Variants in FOXK1 observed in about 807,000 individuals in gnomAD.
FOXK1 encodes the protein forkhead box protein K1.
A neutral mutation model predicts 51.9 loss-of-function variants in FOXK1; 19 were observed. The observed-to-expected ratio is 0.37, with a 90% CI of 0.26 to 0.54. The LOEUF (loss-of-function observed/expected upper bound fraction) is 0.54. Among genes scored for constraint, FOXK1 ranks in the 20% least tolerant of loss-of-function variants. The probability of loss-of-function intolerance (pLI) is 0.87; values close to 1 mark genes in which losing one functional copy is unlikely to be tolerated. For missense variants in FOXK1, 870 were observed against 1,032.7 expected, an observed-to-expected ratio of 0.84 and a Z score of 2.16; for synonymous variants, 537 against 482.6, an observed-to-expected ratio of 1.11 and a Z score of -1.48.
chr7:4,754,321 A>G (rs1780815050), intron 2 of FOXK1, 138 bp from the exon 3 acceptor site: 1 of 941,982 alleles, frequency 1.1e-6, no homozygotes, highest in Non-Finnish European at 1.5e-6. Context: ...TTGGCCGGGC[A>G]GTGTGGTGGC....
chr7:4,762,736 C>G lies in FOXK1; in HGVS notation c.*272C>G. ...CTTCTCCCTCGGCACCACCTCCTCTCCCCAGGCCTCCCTGTCGGGCATGGG... is the reference window on the plus strand; with the variant it reads ...CTTCTCCCTCGGCACCACCTCCTCTGCCCAGGCCTCCCTGTCGGGCATGGG... On this transcript the variant is annotated 3_prime_UTR_variant, in exon 9 of 9. Transcript: ENST00000328914. The surrounding 1 kb of genome is among the most constrained non-coding windows in gnomAD (Gnocchi z 5.7). 2.2e-6 allele frequency: 1 copy of G among 453,704 alleles called. No homozygotes were observed. The highest frequency in any genetic ancestry group is 4.1e-5 in the East Asian group (1 of 24,594). 28.1% of individuals were successfully genotyped at this position (453,704 alleles called of 1,614,324 possible). A position where few individuals can be genotyped will look rare whatever the true frequency, so the allele number is the denominator to read the frequency against.
At chr7:4,737,660 G>T (rs1484650434) in intron 1 of FOXK1, among the ~76,000 whole-genome samples, 1 of 152,064 alleles carries the variant, frequency 6.6e-6, no homozygotes, top group African/African-American at 2.4e-5. Flanking sequence ...CCCCTGCCTG[G>T]ACCCTCAGCC....
chr7:4,740,874 C>T lies in FOXK1; in HGVS notation c.597C>T (p.Ile199=). ...TFRFPSTAIK[I]QFTSLYHKEE... ...GGTTTCCCAGCACGGCCATCAAGAT[C>T]CAGTTCACGTCGCTCTATCACAAAG... Residue 199 remains isoleucine, a synonymous_variant, in exon 2 of 9, where the codon ATC becomes ATT. Transcript: ENST00000328914. 6.3e-7 allele frequency: 1 copy of T among 1,597,382 alleles called. No homozygotes were observed. The highest frequency in any genetic ancestry group is 2.3e-5 in the East Asian group (1 of 42,688).
chr7:4,684,223 C>T (rs1174493157), intron 1 of FOXK1, among the ~76,000 whole-genome samples: 1 of 152,216 alleles, frequency 6.6e-6, no homozygotes, highest in Non-Finnish European at 1.5e-5. Context: ...GCCTCTAACT[C>T]ATCACCAGTG....
intron 1 of FOXK1, among the ~76,000 whole-genome samples, chr7:4,684,269 G>A (rs761036946): frequency 1.3e-5 from 2 of 152,184 alleles, no homozygotes; most frequent in Non-Finnish European, 2.9e-5. Context: ...GTTCAGGGTT[G>A]TCTGTCTAAT....
rs1355774191 is a variant in FOXK1, at chr7:4,711,024, C to T, written c.560+28156C>T. 6.6e-6 allele frequency among the ~76,000 whole-genome samples: 1 copy of T among 152,182 alleles called. No individual in the cohort carries two copies. The highest frequency in any genetic ancestry group is 1.9e-4 in the East Asian group (1 of 5,194). ...ACGGTGCCTGAGCTTCACGGAGTTG[C>T]AGAGCAGCCTGGCTTTAGAGAACGC... On this transcript the variant is annotated intron_variant, in intron 1 of 8. Transcript: ENST00000328914. The surrounding 1 kb of genome is among the most constrained non-coding windows in gnomAD (Gnocchi z 6.3).
At chr7:4,732,215 G>T (rs926789791) in intron 1 of FOXK1, among the ~76,000 whole-genome samples, 1 of 152,192 alleles carries the variant, frequency 6.6e-6, no homozygotes, top group Non-Finnish European at 1.5e-5. Context: ...GGAATCATTT[G>T]TTCAGTCCAC....
rs553425295 is a variant in FOXK1 at position 4,754,708 on chromosome 7, G to A, written c.903+93G>A. The A allele has an allele frequency of 3.6e-4, 522 of 1,441,962 alleles. 8 individuals carry two copies. The South Asian group carries it at 6.4e-3, about 18-fold the overall frequency. The allele number at this position is 1,441,962 out of a possible 1,614,324, so 89.3% of individuals were successfully genotyped here. A position where few individuals can be genotyped will look rare whatever the true frequency, so the allele number is the denominator to read the frequency against. ...GCGGCACAGACAGCCCAGGGCCTGC[G>A]GGCGTGTGCTCGAGGTGGTCTCAGC... is the stretch of plus-strand genomic sequence containing the variant. On this transcript the variant is annotated intron_variant, in intron 3 of 8. Transcript: ENST00000328914.
At chr7:4,759,632 T>G in intron 7 of FOXK1, 37 bp downstream of exon 7, 1 of 1,512,140 alleles carries the variant, frequency 6.6e-7, no homozygotes, top group South Asian at 1.3e-5. Context: ...CGCAGGACCC[T>G]TTGTGGTGGT....
chr7:4,724,945 C>T (rs565727928), intron 1 of FOXK1, among the ~76,000 whole-genome samples: 156 of 152,296 alleles, frequency 1.0e-3, no homozygotes, highest in Middle Eastern at 6.8e-3. Flanking sequence ...TAGCTGAGTG[C>T]GTGGCCACAC....
Position 4,709,666 on chromosome 7 carries a change from C to T in FOXK1, c.560+26798C>T, listed in dbSNP as rs1007212125. On this transcript the variant is annotated intron_variant, in intron 1 of 8. Transcript: ENST00000328914. This position sits in a 1 kb window ranked among gnomAD's most constrained non-coding sequence, Gnocchi z 5.6. ...ATGAACTGGTTTTGCCGCAGTAAAG[C>T]GTAATTCACATGATACAAAACGTCA... Among the ~76,000 whole-genome samples the T allele has an allele frequency of 7.9e-5, 12 of 152,216 alleles. No homozygotes were observed. In the East Asian group the frequency reaches 2.1e-3, roughly 27 times the overall value.
In FOXK1 at chr7:4,756,008, A is replaced by T. The variant is rs1004424196; in HGVS notation, c.1050+625A>T. Among the ~76,000 whole-genome samples, 4 of 152,190 alleles carry T rather than the reference A, an allele frequency of 2.6e-5. No individual in the cohort carries two copies. Among genetic ancestry groups the T allele is most frequent in the Non-Finnish European group, 4.4e-5 (3 of 68,042 alleles). Reference sequence around the variant, plus strand: ...AACAATCCACATGTCTGAATTGTGGATGGCATTTTAAGAGCTTTGTCCACA... The same window carrying T: ...AACAATCCACATGTCTGAATTGTGGTTGGCATTTTAAGAGCTTTGTCCACA... On this transcript the variant is annotated intron_variant, in intron 4 of 8. Coordinates refer to ENST00000328914, the MANE Select transcript of FOXK1 (RefSeq NM_001037165.2). The surrounding 1 kb of genome is among the most constrained non-coding windows in gnomAD (Gnocchi z 4.1).
At chr7:4,696,444 C>A (rs1380472488) in intron 1 of FOXK1, among the ~76,000 whole-genome samples, 3 of 152,194 alleles carry the variant, frequency 2.0e-5, no homozygotes, top group Non-Finnish European at 2.9e-5. Context: ...CGTGACATGT[C>A]TGTCGTCTAC....
At chr7:4,693,071 C>G (rs565606034) in intron 1 of FOXK1, among the ~76,000 whole-genome samples, 3 of 152,208 alleles carry the variant, frequency 2.0e-5, no homozygotes, top group African/African-American at 4.8e-5. Flanking sequence ...TACTGTGTTA[C>G]GTTAAAACCT....
At chr7:4,759,617 G>C (rs2115075301) in intron 7 of FOXK1, 22 bp downstream of exon 7, 1 of 1,525,762 alleles carries the variant, frequency 6.6e-7, no homozygotes, top group East Asian at 2.5e-5. Context: ...GCGGCTGGCA[G>C]CCTTCGCAGG....
rs565370812 is a variant in FOXK1, at chr7:4,711,569, G to A, written c.560+28701G>A. ...CTGGCAGAAGCTCCTAGAGCAGTTG[G>A]ATGGGGAGATCAGAGTGGGTCTCAA... is the stretch of plus-strand genomic sequence containing the variant. On this transcript the variant is annotated intron_variant, in intron 1 of 8. Coordinates refer to ENST00000328914, the MANE Select transcript of FOXK1 (RefSeq NM_001037165.2). The surrounding 1 kb of genome is among the most constrained non-coding windows in gnomAD (Gnocchi z 6.3). Among the ~76,000 whole-genome samples, 1 of 152,358 alleles carries A rather than the reference G, an allele frequency of 6.6e-6. No individual in the cohort carries two copies. Among genetic ancestry groups the A allele is most frequent in the East Asian group, 1.9e-4 (1 of 5,180 alleles).
chr7:4,682,392 A>C lies in FOXK1; in HGVS notation c.84A>C (p.Ala28=). 1 of 980,360 alleles carries C rather than the reference A, an allele frequency of 1.0e-6. No homozygotes were observed. Among genetic ancestry groups the C allele is most frequent in the Non-Finnish European group, 1.2e-6 (1 of 828,500 alleles). The allele number at this position is 980,360 out of a possible 1,614,324, so 60.7% of individuals were successfully genotyped here. ...SAPCSPVLCA[A]AAAAAFPAAA... ...CCTGCAGCCCAGTGCTGTGCGCCGCAGCCGCCGCCGCCGCCTTCCCCGCGG... is the reference window on the plus strand; with the variant it reads ...CCTGCAGCCCAGTGCTGTGCGCCGCCGCCGCCGCCGCCGCCTTCCCCGCGG... The change falls in exon 1 of 9, where the codon GCA becomes GCC. Residue 28 remains alanine, a synonymous_variant. Coordinates refer to ENST00000328914, the MANE Select transcript of FOXK1 (RefSeq NM_001037165.2). The surrounding 1 kb of genome is among the most constrained non-coding windows in gnomAD (Gnocchi z 7.6).
Position 4,737,552 on chromosome 7 carries a change from C to G in FOXK1, c.561-3286C>G, listed in dbSNP as rs984956886. Among the ~76,000 whole-genome samples the G allele has an allele frequency of 3.5e-3, 519 of 148,978 alleles. 7 individuals are homozygous for G. The highest frequency in any genetic ancestry group is 0.012 in the African/African-American group (493 of 40,710). Reference sequence around the variant, plus strand: ...TGCATTCATGCACGTGTGTGCGTGCCTGTGTGTGTGTGTGTGTGTGTGCAT... The same window carrying G: ...TGCATTCATGCACGTGTGTGCGTGCGTGTGTGTGTGTGTGTGTGTGTGCAT... On this transcript the variant is annotated intron_variant, in intron 1 of 8. Coordinates refer to ENST00000328914, the MANE Select transcript of FOXK1 (RefSeq NM_001037165.2).
intron 1 of FOXK1, among the ~76,000 whole-genome samples, chr7:4,726,584 T>C (rs1352844354): frequency 1.3e-5 from 2 of 151,488 alleles, no homozygotes; most frequent in Admixed American, 1.3e-4. Context: ...ATTGTGACAT[T>C]GCACTCCAGC....
Sources: allele counts gnomAD v4.1 joint callset (sites outside exome capture counted in the v4.1 genomes callset), GRCh38; gene constraint gnomAD v4.1.1; non-coding constraint Gnocchi (gnomAD v3.1); transcripts MANE v1.5; gene names NCBI Gene and HGNC (gene_info 2026-07-23, HGNC 2026-07-21).